The following DNAH11 variants were observed in gnomAD, a reference collection of about 807,000 sequenced individuals.
DNAH11 encodes the protein dynein axonemal heavy chain 11, also known as axonemal beta dynein heavy chain 11.
A neutral mutation model predicts 526.0 loss-of-function variants in DNAH11; 442 were observed. The observed-to-expected ratio is 0.84, with a 90% CI of 0.78 to 0.91. The LOEUF is 0.91. DNAH11 is among the 40% of genes least tolerant of loss of function. The probability of loss-of-function intolerance (pLI) is 0.00; values close to 1 mark genes in which losing one functional copy is unlikely to be tolerated. For synonymous variants in DNAH11, 2,461 were observed against 1,935.9 expected (o/e 1.27, Z -7.12); for missense variants, 6,989 against 5,448.7 (o/e 1.28, Z -8.90).
intron 8 of DNAH11, among the ~76,000 whole-genome samples, chr7:21,576,978 T>C (rs1475527913): frequency 6.6e-6 from 1 of 151,948 alleles, no homozygotes; most frequent in Non-Finnish European, 1.5e-5. Flanking sequence ...CCATTATATA[T>C]AAAACAGACC....
chr7:21,681,863 T>G, intron 31 of DNAH11, 186 bp downstream of exon 31: 1 of 765,498 alleles, frequency 1.3e-6, no homozygotes, highest in Non-Finnish European at 2.2e-6. Flanking sequence ...TGATGAGACC[T>G]ATTCCAAGTG....
At position 21,895,021 on chromosome 7, in the gene DNAH11, G is replaced by A. The variant is rs1377139375; in HGVS notation, c.13049+22G>A. The stretch of plus-strand genomic sequence containing the variant: ...AGTGGTAAGCTACCCCATCCTCACT[G>A]CCACTGGCCCTGAGCAGCCTCGGTG... On this transcript the variant is annotated intron_variant, in intron 79 of 81. Transcript: ENST00000409508. The A allele has an allele frequency of 2.5e-6, 4 of 1,598,456 alleles. No homozygotes were observed. In the Admixed American group the frequency reaches 6.7e-5, roughly 27 times the overall value.
At chr7:21,725,765 T>C (rs1785071794) in intron 44 of DNAH11, 46 bp from the exon 45 acceptor site, 8 of 1,550,786 alleles carry the variant, frequency 5.2e-6, no homozygotes, top group Non-Finnish European at 7.0e-6. Flanking sequence ...TTTTACAGTT[T>C]TAATTACTTT....
chr7:21,577,168 A>G lies in DNAH11; in HGVS notation c.1594-4737A>G, dbSNP rs528907085. Among the ~76,000 whole-genome samples the G allele has an allele frequency of 1.8e-4, 28 of 152,354 alleles. No individual in the cohort carries two copies. In the South Asian group the frequency reaches 5.4e-3, roughly 29 times the overall value. ...GTGGGCACAGACCAGAAAGAAGCCC[A>G]GTAAAAGCCTGATCTCTCCCTAGCC... On this transcript the variant is annotated intron_variant, in intron 8 of 81. Transcript: ENST00000409508.
At chr7:21,602,539 AT>A (rs1785132380) in intron 18 of DNAH11, among the ~76,000 whole-genome samples, 1 of 151,250 alleles carries the variant, frequency 6.6e-6, no homozygotes, top group Admixed American at 6.6e-5. Context: ...TTCTATGCCA[AT>A]ATTGATATTT....
intron 61 of DNAH11, among the ~76,000 whole-genome samples, chr7:21,792,363 T>C (rs1027527059): frequency 6.6e-6 from 1 of 152,198 alleles, no homozygotes; most frequent in Non-Finnish European, 1.5e-5. Flanking sequence ...AGATACTGAC[T>C]GTAGTTTCTT....
intron 69 of DNAH11, among the ~76,000 whole-genome samples, chr7:21,862,703 T>C (rs183985750): frequency 7.9e-5 from 12 of 152,312 alleles, no homozygotes; most frequent in African/African-American, 2.2e-4. Flanking sequence ...AGCTCCAGGT[T>C]TCTTACCCAC....
intron 45 of DNAH11, among the ~76,000 whole-genome samples, chr7:21,729,597 A>G (rs367881514): frequency 2.0e-5 from 3 of 152,180 alleles, no homozygotes; most frequent in African/African-American, 7.2e-5. Context: ...TAAGTACTTG[A>G]GTTAGTCACT....
intron 25 of DNAH11, among the ~76,000 whole-genome samples, chr7:21,625,572 A>C (rs930462880): frequency 2.0e-5 from 3 of 151,850 alleles, no homozygotes; most frequent in Non-Finnish European, 2.9e-5. Flanking sequence ...TTCTTTTTCT[A>C]GTTCCTGAAG....
intron 65 of DNAH11, among the ~76,000 whole-genome samples, chr7:21,832,332 T>C (rs927784297): frequency 3.9e-5 from 6 of 152,226 alleles, no homozygotes; most frequent in Admixed American, 2.0e-4. Flanking sequence ...TTCCTTTCCA[T>C]GTTTAGTGCT....
At chr7:21,860,007 A>T (rs1371261624) in intron 68 of DNAH11, among the ~76,000 whole-genome samples, 1 of 152,164 alleles carries the variant, frequency 6.6e-6, no homozygotes, top group Admixed American at 6.5e-5. Flanking sequence ...CCCTGTCTCT[A>T]CAAAAAAATT....
At chr7:21,705,947 A>T (rs1784246303) in intron 39 of DNAH11, among the ~76,000 whole-genome samples, 1 of 152,190 alleles carries the variant, frequency 6.6e-6, no homozygotes, top group Non-Finnish European at 1.5e-5. Context: ...GGAAGATTGG[A>T]TTGGCTCTAG....
intron 79 of DNAH11, among the ~76,000 whole-genome samples, chr7:21,896,590 A>G (rs1403298091): frequency 6.6e-6 from 1 of 152,176 alleles, no homozygotes; most frequent in Non-Finnish European, 1.5e-5. Flanking sequence ...CATAGCTTTT[A>G]TTCTGAAAAA....
intron 42 of DNAH11, among the ~76,000 whole-genome samples, chr7:21,712,784 A>T (rs569463766): frequency 9.8e-4 from 149 of 152,334 alleles, no homozygotes; most frequent in Admixed American, 3.8e-3. Flanking sequence ...AAATATCTAT[A>T]TGCTCACTTG....
At chr7:21,896,332 CCTT>C (rs972739233) in intron 79 of DNAH11, among the ~76,000 whole-genome samples, 10 of 152,104 alleles carry the variant, frequency 6.6e-5, no homozygotes, top group Non-Finnish European at 1.0e-4. Context: ...ACTGCACTCT[CCTT>C]CTTGATTGAT....
intron 35 of DNAH11, among the ~76,000 whole-genome samples, chr7:21,693,400 A>C (rs1187591196): frequency 6.6e-6 from 1 of 152,200 alleles, no homozygotes; most frequent in Non-Finnish European, 1.5e-5. Context: ...ATTTTTAAAA[A>C]TCTATGCCAT....
At chr7:21,896,519 A>G (rs1784521432) in intron 79 of DNAH11, among the ~76,000 whole-genome samples, 1 of 152,166 alleles carries the variant, frequency 6.6e-6, no homozygotes, top group African/African-American at 2.4e-5. Context: ...ATGTTCAACA[A>G]TTTTACTATT....
At chr7:21,624,609 G>T (rs1158249752) in intron 25 of DNAH11, among the ~76,000 whole-genome samples, 1 of 152,110 alleles carries the variant, frequency 6.6e-6, no homozygotes, top group African/African-American at 2.4e-5. Context: ...GCATGAGAGT[G>T]GGCATCCTTA....
intron 4 of DNAH11, among the ~76,000 whole-genome samples, chr7:21,560,509 G>A (rs1191868310): frequency 6.6e-6 from 1 of 152,178 alleles, no homozygotes; most frequent in African/African-American, 2.4e-5. Flanking sequence ...AGGCCCAAGA[G>A]CCCCTGGCAA....
Sources: allele counts gnomAD v4.1 joint callset (sites outside exome capture counted in the v4.1 genomes callset), GRCh38; gene constraint gnomAD v4.1.1; transcripts MANE v1.5; gene names NCBI Gene and HGNC (gene_info 2026-07-23, HGNC 2026-07-21).